Variants in DOT1L observed in about 807,000 individuals in gnomAD.
DOT1L encodes the protein DOT1 like histone lysine methyltransferase, also known as histone-lysine N-methyltransferase, H3 lysine-79 specific.
DOT1L carries 33 observed loss-of-function variants against 153.3 expected under a neutral mutation model. The ratio of observed to expected loss-of-function variants is 0.22; its 90% CI spans 0.16 to 0.29. DOT1L has a LOEUF of 0.29. Ranked by LOEUF, DOT1L falls within the 10% of genes least tolerant of loss-of-function variation. The pLI is 1.00. For synonymous variants in DOT1L, 1,135 were observed against 965.1 expected (o/e 1.18, Z -3.26); for missense variants, 1,847 against 2,119.9 (o/e 0.87, Z 2.53).
Position 2,216,706 on chromosome 19 carries a change from G to A in DOT1L, c.2349G>A (p.Arg783=), listed in dbSNP as rs2144869744. Reference sequence around the variant, plus strand: ...CCCCGGCCAAGATTGTGCTGAGGCGGCACCTGAGCCAGGACCACACGGTGC... The same window carrying A: ...CCCCGGCCAAGATTGTGCTGAGGCGACACCTGAGCCAGGACCACACGGTGC... The part of the protein sequence containing the change: ...RLSPAKIVLR[R]HLSQDHTVPG... Residue 783 remains arginine, a synonymous_variant, in exon 20 of 28, where the codon CGG becomes CGA. Transcript: ENST00000398665. 6.2e-7 allele frequency: 1 copy of A among 1,601,904 alleles called. No individual in the cohort carries two copies. Among genetic ancestry groups the A allele is most frequent in the Non-Finnish European group, 8.5e-7 (1 of 1,179,602 alleles).
intron 2 of DOT1L, 128 bp downstream of exon 2, chr19:2,180,884 G>C (rs559530300): frequency 9.0e-7 from 1 of 1,108,420 alleles, no homozygotes; most frequent in Admixed American, 2.2e-5. Flanking sequence ...TTGTGAAGCG[G>C]ATCAGGGGTG....
rs138342153 is a variant in DOT1L, at chr19:2,178,712, C to T, written c.82-2001C>T. On this transcript the variant is annotated intron_variant, in intron 1 of 27. Transcript: ENST00000398665. ...CTGGGATTACAGGTGTGAGCTACCGCGCCCGGCCACGCCCAGCTAATTTTT... is the reference window on the plus strand; with the variant it reads ...CTGGGATTACAGGTGTGAGCTACCGTGCCCGGCCACGCCCAGCTAATTTTT... Among the ~76,000 whole-genome samples the T allele has an allele frequency of 6.5e-4, 99 of 151,918 alleles. 1 individual carries two copies. In the East Asian group the frequency reaches 0.017, roughly 26 times the overall value.
At position 2,204,974 on chromosome 19, in the gene DOT1L, A is replaced by AT. The variant is rs1296544097; in HGVS notation, c.788-1742dup. ...TTAAATGGATCCACTTTGACTTTTA[A>AT]TTTTTTTTTTTTTGGAGACGGAGTC... On this transcript the variant is annotated intron_variant, in intron 9 of 27. Coordinates refer to ENST00000398665, the MANE Select transcript of DOT1L (RefSeq NM_032482.3). This position sits in a 1 kb window ranked among gnomAD's most constrained non-coding sequence, Gnocchi z 5.7. 0.017 allele frequency among the ~76,000 whole-genome samples: 2,502 copies of AT among 144,666 alleles called. 47 individuals are homozygous for AT. The highest frequency in any genetic ancestry group is 0.052 in the African/African-American group (2,055 of 39,668). The allele number at this position is 144,666 out of a possible 152,430, so 94.9% of individuals were successfully genotyped here. A position where few individuals can be genotyped will look rare whatever the true frequency, so the allele number is the denominator to read the frequency against.
At chr19:2,214,271 TG>T in intron 18 of DOT1L, 199 bp from the exon 19 acceptor site, 1 of 922,816 alleles carries the variant, frequency 1.1e-6, no homozygotes, top group Non-Finnish European at 1.6e-6. Context: ...GTGTGGGTGC[TG>T]GAGCTGCCTC....
intron 10 of DOT1L, among the ~76,000 whole-genome samples, 193 bp downstream of exon 10, chr19:2,206,990 C>T (rs1436653969): frequency 2.6e-5 from 4 of 152,198 alleles, no homozygotes; most frequent in African/African-American, 9.7e-5. Context: ...AGGAGCACCC[C>T]TGGTCGCGAC....
chr19:2,190,907 T>C lies in DOT1L; in HGVS notation c.265-105T>C. The C allele has an allele frequency of 9.1e-7, 1 of 1,103,106 alleles. No homozygotes were observed. Among genetic ancestry groups the C allele is most frequent in the East Asian group, 2.6e-5 (1 of 38,570 alleles). The allele number at this position is 1,103,106 out of a possible 1,614,324, so 68.3% of individuals were successfully genotyped here. A position where few individuals can be genotyped will look rare whatever the true frequency, so the allele number is the denominator to read the frequency against. ...CACCCTGCAGGGGGACGAGAGGCCA[T>C]GCAGCCGACTCCCTGCTTCCGCTGG... On this transcript the variant is annotated intron_variant, in intron 4 of 27. Transcript: ENST00000398665. This position sits in a 1 kb window ranked among gnomAD's most constrained non-coding sequence, Gnocchi z 4.8.
rs1317486376 is a variant in DOT1L, at chr19:2,208,708, C to T, written c.964-227C>T. Among the ~76,000 whole-genome samples, 3 of 152,156 alleles carry T rather than the reference C, an allele frequency of 2.0e-5. No individual in the cohort carries two copies. The highest frequency in any genetic ancestry group is 6.5e-5 in the Admixed American group (1 of 15,282). ...CTGTTCTGAAGGCTTAAACCAGCCC[C>T]GCCCACCCGTCGCGTGCTGGTGAAT... On this transcript the variant is annotated intron_variant, in intron 11 of 27. Transcript: ENST00000398665. This position sits in a 1 kb window ranked among gnomAD's most constrained non-coding sequence, Gnocchi z 4.4.
In DOT1L at chr19:2,225,220, G is replaced by GC. The variant is rs1158564184; in HGVS notation, c.3597-166dup. Among the ~76,000 whole-genome samples, 3 of 152,240 alleles carry GC rather than the reference G, an allele frequency of 2.0e-5. No homozygotes were observed. The East Asian group carries it at 5.8e-4, about 29-fold the overall frequency. On this transcript the variant is annotated intron_variant, in intron 25 of 27. Transcript: ENST00000398665. ...CAACAGGGGTGGATCCCAGGGCCCA[G>GC]CCACCCAGTCCAGGCCTGGCCCAGG...
In DOT1L at chr19:2,217,173, C is replaced by G; in HGVS notation, c.2544+83C>G. 1 of 1,462,074 alleles carries G rather than the reference C, an allele frequency of 6.8e-7. No individual in the cohort carries two copies. The highest frequency in any genetic ancestry group is 2.4e-5 in the East Asian group (1 of 41,392). The allele number at this position is 1,462,074 out of a possible 1,614,324, so 90.6% of individuals were successfully genotyped here. A position where few individuals can be genotyped will look rare whatever the true frequency, so the allele number is the denominator to read the frequency against. ...GCGAGTTGCTAGCAGGAGGGCTTGT[C>G]CTAGTTGACCTTGGGGCACGGTGAG... On this transcript the variant is annotated intron_variant, in intron 21 of 27. Coordinates refer to ENST00000398665, the MANE Select transcript of DOT1L (RefSeq NM_032482.3). The surrounding 1 kb of genome is among the most constrained non-coding windows in gnomAD (Gnocchi z 7.3).
chr19:2,211,987 C>A, intron 16 of DOT1L, 145 bp downstream of exon 16: 2 of 709,726 alleles, frequency 2.8e-6, no homozygotes, highest in Non-Finnish European at 4.5e-6. Flanking sequence ...GAGAAACAAA[C>A]CTACCCGTTT....
intron 7 of DOT1L, among the ~76,000 whole-genome samples, 181 bp downstream of exon 7, chr19:2,194,758 G>T (rs934340624): frequency 6.6e-6 from 1 of 152,178 alleles, no homozygotes; most frequent in African/African-American, 2.4e-5. Flanking sequence ...GGCAGCAGGC[G>T]CCTCTGTTGG....
chr19:2,219,919 C>G (rs1201244546), intron 22 of DOT1L, among the ~76,000 whole-genome samples, 189 bp from the exon 23 acceptor site: 1 of 152,170 alleles, frequency 6.6e-6, no homozygotes, highest in African/African-American at 2.4e-5. Flanking sequence ...GCACCGCGCA[C>G]TCTCGCTGCG....
chr19:2,202,550 G>A, intron 8 of DOT1L, 150 bp from the exon 9 acceptor site: 1 of 706,986 alleles, frequency 1.4e-6, no homozygotes. Context: ...GAAACCCACG[G>A]CGTGCGCTCA....
At chr19:2,199,280 A>G (rs1369161543) in intron 7 of DOT1L, among the ~76,000 whole-genome samples, 1 of 152,216 alleles carries the variant, frequency 6.6e-6, no homozygotes, top group Non-Finnish European at 1.5e-5. Context: ...GCAGGCCGTC[A>G]GCGGTGCTCA....
At chr19:2,213,483 G>T in intron 16 of DOT1L, 56 bp from the exon 17 acceptor site, 11 of 1,574,532 alleles carry the variant, frequency 7.0e-6, no homozygotes, top group Non-Finnish European at 9.6e-6. Flanking sequence ...GGCCCTCCCT[G>T]TGGGCCCTCA....
At chr19:2,227,379 G>A (rs1203626257) in intron 27 of DOT1L, 2 of 711,204 alleles carry the variant, frequency 2.8e-6, no homozygotes, top group East Asian at 2.8e-5. Context: ...ACCGTGCGCA[G>A]GGCCACCAGA....
Position 2,231,694 on chromosome 19 carries a change from A to C in DOT1L, c.*1902A>C, listed in dbSNP as rs1476335438. 2 of 213,856 alleles carry C rather than the reference A, an allele frequency of 9.4e-6. No individual in the cohort carries two copies. The highest frequency in any genetic ancestry group is 4.5e-5 in the African/African-American group (2 of 44,092). 13.2% of individuals were successfully genotyped at this position (213,856 alleles called of 1,614,324 possible). A position where few individuals can be genotyped will look rare whatever the true frequency, so the allele number is the denominator to read the frequency against. ...GACAGGCAGCCTGCTCTGTGTCGCCACGGGCCGGATACGCCACAGGGTTGA... is the reference window on the plus strand; with the variant it reads ...GACAGGCAGCCTGCTCTGTGTCGCCCCGGGCCGGATACGCCACAGGGTTGA... On this transcript the variant is annotated 3_prime_UTR_variant, in exon 28 of 28. Coordinates refer to ENST00000398665, the MANE Select transcript of DOT1L (RefSeq NM_032482.3).
chr19:2,205,716 C>T (rs748648965), intron 9 of DOT1L, among the ~76,000 whole-genome samples: 2 of 152,000 alleles, frequency 1.3e-5, no homozygotes, highest in Non-Finnish European at 2.9e-5. Context: ...TTTTTTGAGA[C>T]AGGGTCTTCA....
Position 2,197,283 on chromosome 19 carries a change from G to A in DOT1L, c.652-2601G>A, listed in dbSNP as rs1008320114. 2.0e-5 allele frequency among the ~76,000 whole-genome samples: 3 copies of A among 152,238 alleles called. No individual in the cohort carries two copies. The highest frequency in any genetic ancestry group is 7.2e-5 in the African/African-American group (3 of 41,466). ...GTGCCCACAGTGGAAGCTGTGTGGT[G>A]TCCTGGGTTCTGGGTCCACTTGCAC... On this transcript the variant is annotated intron_variant, in intron 7 of 27. Coordinates refer to ENST00000398665, the MANE Select transcript of DOT1L (RefSeq NM_032482.3). This position sits in a 1 kb window ranked among gnomAD's most constrained non-coding sequence, Gnocchi z 4.1.
Sources: allele counts gnomAD v4.1 joint callset (sites outside exome capture counted in the v4.1 genomes callset), GRCh38; gene constraint gnomAD v4.1.1; non-coding constraint Gnocchi (gnomAD v3.1); transcripts MANE v1.5; gene names NCBI Gene and HGNC (gene_info 2026-07-23, HGNC 2026-07-21).